PDE12: variants seen among roughly 807,000 people sequenced by gnomAD.
PDE12 encodes the protein 2',5'-phosphodiesterase 12.
A neutral mutation model predicts 45.4 loss-of-function variants in PDE12; 26 were observed. The observed-to-expected ratio is 0.57, with a 90% CI of 0.42 to 0.79. The LOEUF (loss-of-function observed/expected upper bound fraction) is 0.79. PDE12 is among the 30% of genes least tolerant of loss of function. The pLI is 0.00. For missense variants in PDE12, 668 were observed against 790.0 expected (o/e 0.85, Z 1.85); for synonymous variants, 283 against 323.9 (o/e 0.87, Z 1.36).
chr3:57,616,326 A>G, the PDE12 span, among the ~76,000 whole-genome samples: 1 of 151,956 alleles, frequency 6.6e-6, no homozygotes, highest in Admixed American at 6.6e-5. Context: ...TGTCTCAAAG[A>G]AAAAAGAAGA....
At chr3:57,596,174 A>G in the PDE12 span, among the ~76,000 whole-genome samples, 2 of 152,180 alleles carry the variant, frequency 1.3e-5, no homozygotes, top group Admixed American at 6.5e-5. Flanking sequence ...CGCCCCCTAA[A>G]AAGTAGTTTT....
the PDE12 span, among the ~76,000 whole-genome samples, chr3:57,576,046 G>T: frequency 1.6e-4 from 24 of 152,314 alleles, no homozygotes; most frequent in South Asian, 3.9e-3. Context: ...GAAGTACTTA[G>T]ATAGATGATG....
the PDE12 span, chr3:57,628,775 A>C: frequency 6.3e-7 from 1 of 1,592,014 alleles, no homozygotes; most frequent in South Asian, 1.1e-5. Flanking sequence ...CTTCAAAGAA[A>C]AGTCAATTTA....
chr3:57,636,928 C>G, the PDE12 span, among the ~76,000 whole-genome samples: 2 of 131,704 alleles, frequency 1.5e-5, no homozygotes, highest in Non-Finnish European at 3.1e-5. Flanking sequence ...CAGAGCGAGA[C>G]TCTGTCTCAA....
the PDE12 span, among the ~76,000 whole-genome samples, chr3:57,613,376 C>T: frequency 6.6e-6 from 1 of 151,230 alleles, no homozygotes; most frequent in East Asian, 2.0e-4. Context: ...TCACTGCAAC[C>T]TCTGCTGCCC....
chr3:57,652,517 C>G, the PDE12 span, among the ~76,000 whole-genome samples: 3 of 152,170 alleles, frequency 2.0e-5, no homozygotes, highest in South Asian at 6.2e-4. Context: ...AGATTTCCAG[C>G]CCTCAGAAAC....
Position 57,561,350 on chromosome 3 carries a change from A to G in PDE12, c.*1346A>G. On this transcript the variant is annotated 3_prime_UTR_variant, in exon 3 of 3. Coordinates refer to ENST00000311180, the MANE Select transcript of PDE12 (RefSeq NM_177966.7). The stretch of plus-strand genomic sequence containing the variant: ...AGGTTGAGTAGTGGGACTTTTAAGC[A>G]TCTCTGAAATAAAAAACTTCTTTTT... The G allele has an allele frequency of 2.0e-6, 2 of 985,114 alleles. No individual in the cohort carries two copies. Among genetic ancestry groups the G allele is most frequent in the Non-Finnish European group, 2.4e-6 (2 of 829,258 alleles). The allele number at this position is 985,114 out of a possible 1,614,324, so 61.0% of individuals were successfully genotyped here. A position where few individuals can be genotyped will look rare whatever the true frequency, so the allele number is the denominator to read the frequency against.
chr3:57,644,364 G>A, the PDE12 span, among the ~76,000 whole-genome samples: 2 of 151,952 alleles, frequency 1.3e-5, no homozygotes, highest in African/African-American at 4.8e-5. Context: ...GGAGTCCAGT[G>A]GCACGATCTG....
chr3:57,559,716 T>A lies in PDE12; in HGVS notation c.1542T>A (p.Ile514=). ...GMYHFVINGS[I]PEDHEDWASN... ...ATCATTTTGTCATCAATGGCAGCATTCCAGAGGATCATGAAGACTGGGCTT... is the reference window on the plus strand; with the variant it reads ...ATCATTTTGTCATCAATGGCAGCATACCAGAGGATCATGAAGACTGGGCTT... The change falls in exon 3 of 3, where the codon ATT becomes ATA. Residue 514 remains isoleucine, a synonymous_variant. Coordinates refer to ENST00000311180, the MANE Select transcript of PDE12 (RefSeq NM_177966.7). 6.2e-7 allele frequency: 1 copy of A among 1,614,172 alleles called. No individual in the cohort carries two copies. Among genetic ancestry groups the A allele is most frequent in the Non-Finnish European group, 8.5e-7 (1 of 1,180,020 alleles).
the PDE12 span, among the ~76,000 whole-genome samples, chr3:57,574,843 C>G: frequency 1.3e-5 from 2 of 149,088 alleles, no homozygotes; most frequent in Non-Finnish European, 3.0e-5. Context: ...CAAAGCGAGA[C>G]CCCCCATCTC....
At chr3:57,624,986 A>G in the PDE12 span, among the ~76,000 whole-genome samples, 11 of 152,020 alleles carry the variant, frequency 7.2e-5, no homozygotes, top group African/African-American at 2.4e-4. Context: ...TGCAGCCTCA[A>G]TCTCCTAGGC....
the PDE12 span, among the ~76,000 whole-genome samples, chr3:57,578,392 A>C: frequency 6.7e-6 from 1 of 149,048 alleles, no homozygotes; most frequent in Admixed American, 6.7e-5. Context: ...CTATCTCTTA[A>C]AAAAAAAAAG....
rs963501216 is a variant in PDE12 at position 57,561,054 on chromosome 3, G to C, written c.*1050G>C. ...CACAGTTTATATTCTAATTCTTACT[G>C]CAGCTCATTTTAATTTTTAGGATGC... On this transcript the variant is annotated 3_prime_UTR_variant, in exon 3 of 3. Transcript: ENST00000311180. 1.0e-6 allele frequency: 1 copy of C among 977,048 alleles called. No individual in the cohort carries two copies. Among genetic ancestry groups the C allele is most frequent in the African/African-American group, 1.8e-5 (1 of 56,996 alleles). 60.5% of individuals were successfully genotyped at this position (977,048 alleles called of 1,614,324 possible).
At chr3:57,567,456 T>C (rs2069796102), downstream of PDE12, among the ~76,000 whole-genome samples, 3 of 152,230 alleles carry the variant, frequency 2.0e-5, no homozygotes, top group South Asian at 6.2e-4. Flanking sequence ...TAATTATTCT[T>C]TGCCTGTGTC....
chr3:57,628,389 C>A, the PDE12 span: 1 of 1,601,230 alleles, frequency 6.2e-7, no homozygotes, highest in Non-Finnish European at 8.5e-7. Context: ...TCCTCAGAAT[C>A]TGTATTAATA....
chr3:57,642,313 C>CA, the PDE12 span, among the ~76,000 whole-genome samples: 16,657 of 67,120 alleles, frequency 0.25, 2,261 homozygotes, highest in East Asian at 0.38. Flanking sequence ...GACTCTGTCT[C>CA]AAAAAAAAAA....
the PDE12 span, among the ~76,000 whole-genome samples, chr3:57,591,623 C>T: frequency 6.6e-6 from 1 of 152,070 alleles, no homozygotes; most frequent in African/African-American, 2.4e-5. Context: ...TCTGCCACCA[C>T]ACCCGGCTAA....
chr3:57,645,220 T>C, the PDE12 span, among the ~76,000 whole-genome samples: 1 of 152,040 alleles, frequency 6.6e-6, no homozygotes, highest in African/African-American at 2.4e-5. Context: ...CCCAGCACTT[T>C]GTGAGGCTGA....
the PDE12 span, among the ~76,000 whole-genome samples, chr3:57,606,147 A>C: frequency 6.6e-6 from 1 of 152,178 alleles, no homozygotes; most frequent in Non-Finnish European, 1.5e-5. Flanking sequence ...ACTAAGTCCA[A>C]GCACAAGAAA....
Sources: gnomAD v4.1 joint callset for allele counts (sites outside exome capture counted in the v4.1 genomes callset) on GRCh38, gnomAD v4.1.1 for gene constraint, MANE v1.5 for transcripts, NCBI Gene and HGNC (gene_info 2026-07-23, HGNC 2026-07-21) for gene names.